Variants in PPM1H observed in about 807,000 individuals in gnomAD.
PPM1H encodes protein phosphatase, Mg2+/Mn2+ dependent 1H, also known as protein phosphatase 1H.
Under a neutral mutation model 54.9 loss-of-function variants are expected in PPM1H, and 27 were observed. The observed-to-expected ratio is 0.49, with a 90% CI of 0.36 to 0.68. The LOEUF is 0.68. Ranked by LOEUF, PPM1H falls within the 30% of genes least tolerant of loss-of-function variation. The pLI is 0.00. For synonymous variants in PPM1H, 305 were observed against 270.8 expected, an observed-to-expected ratio of 1.13 and a Z score of -1.24; for missense variants, 596 against 667.8, an observed-to-expected ratio of 0.89 and a Z score of 1.19.
chr12:62,816,034 G>A (rs1219791518), intron 2 of PPM1H, among the ~76,000 whole-genome samples: 2 of 152,122 alleles, frequency 1.3e-5, no homozygotes, highest in African/African-American at 4.8e-5. Context: ...AAATCATAAT[G>A]GAAATGAGAA....
intron 4 of PPM1H, among the ~76,000 whole-genome samples, chr12:62,783,056 T>C (rs1319783322): frequency 6.6e-6 from 1 of 152,088 alleles, no homozygotes; most frequent in African/African-American, 2.4e-5. Flanking sequence ...GGTCTGCAAC[T>C]CTTAGGCTCA....
At chr12:62,757,620 T>C (rs1011915451) in intron 4 of PPM1H, among the ~76,000 whole-genome samples, 1 of 152,224 alleles carries the variant, frequency 6.6e-6, no homozygotes, top group Non-Finnish European at 1.5e-5. Flanking sequence ...TTCAAGTGTC[T>C]TTCTTGGGGC....
chr12:62,904,988 G>C (rs921414966), intron 1 of PPM1H, among the ~76,000 whole-genome samples: 4 of 152,124 alleles, frequency 2.6e-5, no homozygotes, highest in Non-Finnish European at 5.9e-5. Flanking sequence ...TAGTGGCTAA[G>C]AGGGGGCTTC....
Position 62,647,920 on chromosome 12 carries a change from A to AAAAAAC in PPM1H, c.*568_*569insGTTTTT, listed in dbSNP as rs1277547546. The AAAAAAC allele has an allele frequency of 6.6e-6, 1 of 151,686 alleles. No homozygotes were observed. The highest frequency in any genetic ancestry group is 2.4e-5 in the African/African-American group (1 of 41,154). The allele number at this position is 151,686 out of a possible 1,614,324, so 9.4% of individuals were successfully genotyped here. ...ATGTCAAAAACACGAAAAAAAAAAA[A>AAAAAAC]AAAAATCCCTGCCTCACTCCACCAC... On this transcript the variant is annotated 3_prime_UTR_variant, in exon 10 of 10. Transcript: ENST00000228705.
At chr12:62,663,829 TA>T (rs2075900442) in intron 9 of PPM1H, among the ~76,000 whole-genome samples, 1 of 152,020 alleles carries the variant, frequency 6.6e-6, no homozygotes, top group Non-Finnish European at 1.5e-5. Flanking sequence ...CCATCTCTAC[TA>T]AAAATACAAA....
chr12:62,730,654 T>C (rs1262403097), intron 5 of PPM1H, among the ~76,000 whole-genome samples: 3 of 143,062 alleles, frequency 2.1e-5, no homozygotes, highest in Admixed American at 7.0e-5. Context: ...AATACAAAAC[T>C]TTTTTTTTTT....
At chr12:62,668,457 C>A (rs1362145544) in intron 8 of PPM1H, among the ~76,000 whole-genome samples, 2 of 152,224 alleles carry the variant, frequency 1.3e-5, no homozygotes, top group African/African-American at 2.4e-5. Context: ...CTCACTGCAA[C>A]CTTCGCCTCC....
intron 1 of PPM1H, among the ~76,000 whole-genome samples, chr12:62,924,983 C>T (rs532707951): frequency 1.2e-4 from 19 of 152,204 alleles, no homozygotes; most frequent in African/African-American, 4.3e-4. Context: ...GCAGAGGCTG[C>T]GTTGAACCTG....
intron 4 of PPM1H, chr12:62,756,359 G>A (rs945897173): frequency 4.3e-6 from 2 of 459,950 alleles, no homozygotes; most frequent in African/African-American, 4.0e-5. Context: ...TTTCCATGTA[G>A]ACCCCCTGAA....
At chr12:62,774,229 G>T (rs1394709990) in intron 4 of PPM1H, among the ~76,000 whole-genome samples, 1 of 152,174 alleles carries the variant, frequency 6.6e-6, no homozygotes, top group Non-Finnish European at 1.5e-5. Flanking sequence ...ATTTCCAACT[G>T]TTATGCAGTT....
chr12:62,771,045 GACACACACACACACACACACACAC>G (rs71086630), intron 4 of PPM1H, among the ~76,000 whole-genome samples: 1 of 129,422 alleles, frequency 7.7e-6, no homozygotes, highest in East Asian at 2.3e-4. Flanking sequence ...AAAAGAAAAA[GACACACACACACACACACACACAC>G]ACACACACAC....
chr12:62,915,395 T>C (rs1409461724), intron 1 of PPM1H, among the ~76,000 whole-genome samples: 2 of 152,186 alleles, frequency 1.3e-5, no homozygotes, highest in African/African-American at 4.8e-5. Flanking sequence ...CGTGGTTCAA[T>C]CAGGAATGGT....
At chr12:62,721,376 C>G (rs928079307) in intron 5 of PPM1H, among the ~76,000 whole-genome samples, 1 of 152,196 alleles carries the variant, frequency 6.6e-6, no homozygotes, top group South Asian at 2.1e-4. Context: ...AGATATGGAA[C>G]TCTGAGCAAG....
chr12:62,853,667 G>A (rs762460242), intron 1 of PPM1H, among the ~76,000 whole-genome samples: 22 of 152,214 alleles, frequency 1.4e-4, no homozygotes, highest in African/African-American at 3.1e-4. Context: ...AGGGAAACTA[G>A]AGCTGGTTCA....
chr12:62,801,675 A>C, intron 3 of PPM1H, 141 bp downstream of exon 3: 1 of 854,742 alleles, frequency 1.2e-6, no homozygotes, highest in South Asian at 1.8e-5. Flanking sequence ...TGGGAATGGA[A>C]GCCCCATTAT....
chr12:62,805,434 GA>G (rs2120760719), intron 2 of PPM1H, among the ~76,000 whole-genome samples: 1 of 152,288 alleles, frequency 6.6e-6, no homozygotes, highest in African/African-American at 2.4e-5. Context: ...CCAAGACACT[GA>G]AACAACCTTA....
At chr12:62,708,905 G>A (rs1349253526) in intron 6 of PPM1H, among the ~76,000 whole-genome samples, 1 of 151,982 alleles carries the variant, frequency 6.6e-6, no homozygotes, top group Admixed American at 6.6e-5. Flanking sequence ...ATATGTCCTG[G>A]ATATACATAT....
chr12:62,822,018 G>C (rs2076906112), intron 2 of PPM1H, among the ~76,000 whole-genome samples: 1 of 152,122 alleles, frequency 6.6e-6, no homozygotes, highest in Non-Finnish European at 1.5e-5. Context: ...CCCATCTCAT[G>C]TGCAGAGACA....
intron 8 of PPM1H, among the ~76,000 whole-genome samples, chr12:62,675,913 A>T (rs910798672): frequency 6.6e-6 from 1 of 152,240 alleles, no homozygotes; most frequent in African/African-American, 2.4e-5. Context: ...GACAAAGTCA[A>T]TCCCGCTGAT....
Sources: gnomAD v4.1 joint callset for allele counts (sites outside exome capture counted in the v4.1 genomes callset) on GRCh38, gnomAD v4.1.1 for gene constraint, MANE v1.5 for transcripts, NCBI Gene and HGNC (gene_info 2026-07-23, HGNC 2026-07-21) for gene names.